UBASH3B: variants seen among roughly 807,000 people sequenced by gnomAD.
The protein encoded by UBASH3B is ubiquitin associated and SH3 domain containing B.
In UBASH3B, 37 loss-of-function variants were observed where a neutral mutation model predicts 83.4. The ratio of observed to expected loss-of-function variants is 0.44; its 90% CI spans 0.34 to 0.58. UBASH3B has a LOEUF of 0.58. Ranked by LOEUF, UBASH3B falls within the 20% of genes least tolerant of loss-of-function variation. The pLI, the probability that UBASH3B is intolerant of heterozygous loss-of-function variation, is 0.01. For missense variants in UBASH3B, 657 were observed against 827.2 expected (o/e 0.79, Z 2.52); for synonymous variants, 304 against 318.3 (o/e 0.96, Z 0.48).
chr11:122,793,031 T>A (rs948038181), intron 6 of UBASH3B, among the ~76,000 whole-genome samples: 2 of 152,160 alleles, frequency 1.3e-5, no homozygotes, highest in African/African-American at 4.8e-5. Context: ...GAACAAAAAT[T>A]TACTAACAAC....
intron 1 of UBASH3B, among the ~76,000 whole-genome samples, chr11:122,668,084 C>CT (rs1333041108): frequency 6.6e-6 from 1 of 152,170 alleles, no homozygotes; most frequent in African/African-American, 2.4e-5. Flanking sequence ...CTCCCAGGTT[C>CT]AAGCGATTCT....
intron 1 of UBASH3B, among the ~76,000 whole-genome samples, chr11:122,772,555 T>C (rs1441724833): frequency 6.6e-6 from 1 of 152,140 alleles, no homozygotes; most frequent in African/African-American, 2.4e-5. Flanking sequence ...CTGCTTTGTC[T>C]CAGGCAGACT....
intron 1 of UBASH3B, among the ~76,000 whole-genome samples, chr11:122,687,723 C>T (rs780242139): frequency 2.0e-5 from 3 of 152,090 alleles, no homozygotes; most frequent in Non-Finnish European, 2.9e-5. Flanking sequence ...TCCATGTGTG[C>T]TTGAAGGCCA....
chr11:122,718,953 C>T (rs1860577234), intron 1 of UBASH3B, among the ~76,000 whole-genome samples: 1 of 152,176 alleles, frequency 6.6e-6, no homozygotes, highest in Non-Finnish European at 1.5e-5. Flanking sequence ...AGGAGGACCA[C>T]CAGAGCTCAG....
chr11:122,668,046 T>C lies in UBASH3B; in HGVS notation c.161+11836T>C, dbSNP rs935413887. ...TTGTTGCCAGGCTGGAGTGCAATGA[T>C]GCAGTCTCAGCTCACTGCAACCTCT... On this transcript the variant is annotated intron_variant, in intron 1 of 13. Coordinates refer to ENST00000284273, the MANE Select transcript of UBASH3B (RefSeq NM_032873.5). 2.6e-5 allele frequency among the ~76,000 whole-genome samples: 4 copies of C among 152,252 alleles called. No individual in the cohort carries two copies. The East Asian group carries it at 5.8e-4, about 22-fold the overall frequency.
chr11:122,757,035 C>T (rs748844860), intron 1 of UBASH3B, among the ~76,000 whole-genome samples: 2 of 152,148 alleles, frequency 1.3e-5, no homozygotes, highest in African/African-American at 2.4e-5. Flanking sequence ...CTGTGAGCAT[C>T]GTATCCTAAA....
intron 1 of UBASH3B, among the ~76,000 whole-genome samples, chr11:122,739,549 G>A (rs1252244880): frequency 6.6e-6 from 1 of 152,306 alleles, no homozygotes; most frequent in East Asian, 1.9e-4. Context: ...GCTCCATGCT[G>A]TTGGTGGGTA....
At position 122,796,245 on chromosome 11, in the gene UBASH3B, G is replaced by C. The variant is rs1463865326; in HGVS notation, c.1203G>C (p.Lys401Asn). Residue 401 changes from lysine to asparagine, a missense_variant, in exon 8 of 14, where the codon AAG (lysine) becomes AAC (asparagine). Around this residue, in one of 3 missense-constraint regions of UBASH3B, gnomAD observed 573 missense variants for 739.0 expected, o/e 0.78. Coordinates refer to ENST00000284273, the MANE Select transcript of UBASH3B (RefSeq NM_032873.5). ...AGAGGATGGATGTTGTGTTTGGGAA[G>C]TACTGGCTGTCCCAGTGCTTCGATG... The part of the protein sequence containing the change: ...HGERMDVVFG[K>N]YWLSQCFDAK... 8.1e-6 allele frequency: 13 copies of C among 1,614,192 alleles called. No homozygotes were observed. The highest frequency in any genetic ancestry group is 1.0e-5 in the Non-Finnish European group (12 of 1,180,016).
At chr11:122,802,312 T>TG (rs1207792244) in intron 11 of UBASH3B, among the ~76,000 whole-genome samples, 3 of 79,580 alleles carry the variant, frequency 3.8e-5, no homozygotes, top group East Asian at 3.5e-4. Context: ...AGACTCTGTC[T>TG]GAAAAAAAAA....
rs1861010476 is a variant in UBASH3B, at chr11:122,789,248, G to T, written c.920G>T (p.Gly307Val). Reference sequence around the variant, plus strand: ...ACGTCCTTAACCACCGGCTGCTCTGGACTCCTGCCTGAGAATTACATTACC... The same window carrying T: ...ACGTCCTTAACCACCGGCTGCTCTGTACTCCTGCCTGAGAATTACATTACC... ...YGTSLTTGCS[G>V]LLPENYITKA... Residue 307 changes from glycine (G) to valine (V), a missense_variant, in exon 6 of 14, where the codon GGA becomes GTA. Physicochemically the swap from Gly to Val is moderately radical, Grantham distance 109 (BLOSUM62 -3). Coordinates refer to ENST00000284273, the MANE Select transcript of UBASH3B (RefSeq NM_032873.5). 6.2e-7 allele frequency: 1 copy of T among 1,614,186 alleles called. No homozygotes were observed. The highest frequency in any genetic ancestry group is 8.5e-7 in the Non-Finnish European group (1 of 1,180,028).
At chr11:122,745,111 G>T (rs916780927) in intron 1 of UBASH3B, among the ~76,000 whole-genome samples, 5 of 152,154 alleles carry the variant, frequency 3.3e-5, no homozygotes, top group African/African-American at 9.7e-5. Context: ...CCTGGAAGCT[G>T]CCTGAGGCCT....
chr11:122,700,131 G>A (rs1234225820), intron 1 of UBASH3B, among the ~76,000 whole-genome samples: 1 of 152,202 alleles, frequency 6.6e-6, no homozygotes, highest in Non-Finnish European at 1.5e-5. Flanking sequence ...AAGAGAAACT[G>A]AGGTAACCAT....
At position 122,812,712 on chromosome 11, in the gene UBASH3B, G is replaced by C. The variant is rs562757196; in HGVS notation, c.*2826G>C. On this transcript the variant is annotated 3_prime_UTR_variant, in exon 14 of 14. Transcript: ENST00000284273. Reference sequence around the variant, plus strand: ...TTCTACAAGTGTGCCACATCAATCCGGTAATGCCCCAGTGTTATTCACAGA... The same window carrying C: ...TTCTACAAGTGTGCCACATCAATCCCGTAATGCCCCAGTGTTATTCACAGA... The C allele has an allele frequency of 6.6e-6, 1 of 152,276 alleles. No individual in the cohort carries two copies. Among genetic ancestry groups the C allele is most frequent in the Non-Finnish European group, 1.5e-5 (1 of 68,014 alleles). 9.4% of individuals were successfully genotyped at this position (152,276 alleles called of 1,614,324 possible).
At chr11:122,755,985 C>T (rs544413208) in intron 1 of UBASH3B, among the ~76,000 whole-genome samples, 26 of 152,246 alleles carry the variant, frequency 1.7e-4, no homozygotes, top group Admixed American at 3.3e-4. Context: ...AGGCACTGAA[C>T]ACAGGAGTTC....
intron 1 of UBASH3B, among the ~76,000 whole-genome samples, chr11:122,662,432 C>CTTTTT (rs1555130806): frequency 7.9e-5 from 11 of 138,694 alleles, no homozygotes; most frequent in African/African-American, 1.8e-4. Flanking sequence ...CTTTTCTTTT[C>CTTTTT]TTTTTTTTTT....
chr11:122,740,124 CAA>C (rs1861000961), intron 1 of UBASH3B, among the ~76,000 whole-genome samples: 1 of 152,042 alleles, frequency 6.6e-6, no homozygotes, highest in Non-Finnish European at 1.5e-5. Flanking sequence ...ATCTGCAGTG[CAA>C]AGAGGAATAA....
chr11:122,753,513 T>C (rs1861233672), intron 1 of UBASH3B, among the ~76,000 whole-genome samples: 1 of 147,810 alleles, frequency 6.8e-6, no homozygotes, highest in Non-Finnish European at 1.5e-5. Context: ...TTTTTTTTTT[T>C]TGGTGATGGA....
intron 7 of UBASH3B, among the ~76,000 whole-genome samples, chr11:122,795,899 A>G (rs1214639574): frequency 2.0e-5 from 3 of 152,196 alleles, no homozygotes; most frequent in Non-Finnish European, 4.4e-5. Context: ...TAATGGCCAA[A>G]TGCTACTCCT....
At chr11:122,699,820 G>C (rs1200928644) in intron 1 of UBASH3B, among the ~76,000 whole-genome samples, 1 of 152,156 alleles carries the variant, frequency 6.6e-6, no homozygotes, top group African/African-American at 2.4e-5. Flanking sequence ...CTGAGCTCAA[G>C]TAATCTACCT....
Sources: gnomAD v4.1 joint callset for allele counts (sites outside exome capture counted in the v4.1 genomes callset) on GRCh38, gnomAD v4.1.1 for gene constraint, gnomAD v4.1.1 regional missense constraint, MANE v1.5 for transcripts, NCBI Gene and HGNC (gene_info 2026-07-23, HGNC 2026-07-21) for gene names.